AKT3: variants seen among roughly 807,000 people sequenced by gnomAD.
AKT3 encodes AKT serine/threonine kinase 3, also known as RAC-gamma serine/threonine-protein kinase.
In AKT3, 15 loss-of-function variants were observed where a neutral mutation model predicts 65.3. That is an observed-to-expected ratio of 0.23 (90% CI 0.15 to 0.35). AKT3 has a LOEUF of 0.35. AKT3 is among the 10% of genes least tolerant of loss of function. AKT3 has a pLI of 1.00. For synonymous variants in AKT3, 206 were observed against 183.8 expected (o/e 1.12, Z -0.98); for missense variants, 243 against 576.5 (o/e 0.42, Z 5.92).
At chr1:243,608,591 C>A (rs1025418065) in intron 8 of AKT3, among the ~76,000 whole-genome samples, 12 of 152,112 alleles carry the variant, frequency 7.9e-5, no homozygotes, top group African/African-American at 2.9e-4. Flanking sequence ...AGATGCCATA[C>A]AGATCCTACC....
rs2147846392 is a variant in AKT3, at chr1:243,645,995, C to T, written c.327G>A (p.Leu109=). The T allele has an allele frequency of 6.2e-7, 1 of 1,613,184 alleles. No individual in the cohort carries two copies. Among genetic ancestry groups the T allele is most frequent in the Admixed American group, 1.7e-5 (1 of 59,960 alleles). ...TCATTCTCTCCTCTTCTTGCCTCTGCAGTCTGTCTGCTACAGCCTGGATAG... is the reference window on the plus strand; with the variant it reads ...TCATTCTCTCCTCTTCTTGCCTCTGTAGTCTGTCTGCTACAGCCTGGATAG... The part of the protein sequence containing the change: ...TEAIQAVADR[L]QRQEEERMNC... Residue 109 remains leucine, a synonymous_variant, in exon 5 of 14, where the codon CTG becomes CTA. Coordinates refer to ENST00000673466, the MANE Select transcript of AKT3 (RefSeq NM_005465.7).
At chr1:243,634,208 G>A (rs996064312) in intron 6 of AKT3, among the ~76,000 whole-genome samples, 1 of 151,920 alleles carries the variant, frequency 6.6e-6, no homozygotes, top group South Asian at 2.1e-4. Flanking sequence ...TAAATGTTAT[G>A]TAAATAGCTG....
rs142819069 is a variant in AKT3, at chr1:243,809,104, T to A, written c.46+34021A>T. Among the ~76,000 whole-genome samples the A allele has an allele frequency of 3.7e-3, 559 of 152,210 alleles. 4 individuals are homozygous for A. Among genetic ancestry groups the A allele is most frequent in the African/African-American group, 0.013 (530 of 41,532 alleles). ...GCCAAATTGTAAAGACCATCAATGCTAGGAAGAAACTGTATCAACTAACGA... is the reference window on the plus strand; with the variant it reads ...GCCAAATTGTAAAGACCATCAATGCAAGGAAGAAACTGTATCAACTAACGA... On this transcript the variant is annotated intron_variant, in intron 2 of 13. Coordinates refer to ENST00000673466, the MANE Select transcript of AKT3 (RefSeq NM_005465.7).
At chr1:243,747,775 AT>A (rs1688565212) in intron 2 of AKT3, among the ~76,000 whole-genome samples, 1 of 152,216 alleles carries the variant, frequency 6.6e-6, no homozygotes, top group African/African-American at 2.4e-5. Flanking sequence ...CACAAAAAAA[AT>A]CAAAAGGGAT....
At chr1:243,522,248 C>A (rs542464651) in intron 12 of AKT3, among the ~76,000 whole-genome samples, 1 of 152,300 alleles carries the variant, frequency 6.6e-6, no homozygotes, top group South Asian at 2.1e-4. Flanking sequence ...AGCCATTAAT[C>A]ACTATTTCTC....
At chr1:243,845,807 C>T (rs1342410417) in intron 1 of AKT3, among the ~76,000 whole-genome samples, 1 of 151,868 alleles carries the variant, frequency 6.6e-6, no homozygotes. Flanking sequence ...CTGAGCTACC[C>T]AATAGGTATG....
At chr1:243,572,825 A>C in intron 9 of AKT3, 101 bp downstream of exon 9, 1 of 1,253,990 alleles carries the variant, frequency 8.0e-7, no homozygotes, top group South Asian at 2.0e-5. Flanking sequence ...TTTCCCAACT[A>C]AATCTGCTTT....
rs1354807193 is a variant in AKT3, at chr1:243,690,435, A to AT, written c.172+5155dup. Among the ~76,000 whole-genome samples the AT allele has an allele frequency of 3.9e-5, 6 of 152,334 alleles. No individual in the cohort carries two copies. The East Asian group carries it at 9.6e-4, about 24-fold the overall frequency. On this transcript the variant is annotated intron_variant, in intron 3 of 13. Coordinates refer to ENST00000673466, the MANE Select transcript of AKT3 (RefSeq NM_005465.7). ...TTTAAAGTGCATGTTTCTTGTATATATCTCAATCTACAATCCTTAGAAATC... is the reference window on the plus strand; with the variant it reads ...TTTAAAGTGCATGTTTCTTGTATATATTCTCAATCTACAATCCTTAGAAATC...
chr1:243,709,410 T>C (rs984112912), intron 2 of AKT3, among the ~76,000 whole-genome samples: 9 of 151,800 alleles, frequency 5.9e-5, no homozygotes, highest in Admixed American at 1.3e-4. Flanking sequence ...TTAGTAAAAA[T>C]GTGTTTTATT....
At chr1:243,694,422 A>G (rs1684924976) in intron 3 of AKT3, among the ~76,000 whole-genome samples, 1 of 152,108 alleles carries the variant, frequency 6.6e-6, no homozygotes, top group African/African-American at 2.4e-5. Context: ...TCTAATGAGC[A>G]TTTTGGTGGG....
At chr1:243,594,108 G>A (rs758922806) in intron 8 of AKT3, among the ~76,000 whole-genome samples, 4 of 152,124 alleles carry the variant, frequency 2.6e-5, no homozygotes, top group Non-Finnish European at 4.4e-5. Context: ...GAAGGCCATG[G>A]AATACAAGGT....
chr1:243,837,695 C>T (rs1481860857), intron 2 of AKT3, among the ~76,000 whole-genome samples: 1 of 152,118 alleles, frequency 6.6e-6, no homozygotes, highest in Non-Finnish European at 1.5e-5. Flanking sequence ...CTGACCACCA[C>T]TCATGATAAA....
chr1:243,660,530 T>C (rs1327235239), intron 4 of AKT3, among the ~76,000 whole-genome samples: 1 of 152,180 alleles, frequency 6.6e-6, no homozygotes, highest in African/African-American at 2.4e-5. Context: ...CTAACAACTC[T>C]CAATAAATTA....
chr1:243,594,737 C>A (rs1676476059), intron 8 of AKT3, among the ~76,000 whole-genome samples: 1 of 152,014 alleles, frequency 6.6e-6, no homozygotes, highest in Non-Finnish European at 1.5e-5. Context: ...CCAGTCCAGG[C>A]TAATTTTTTA....
intron 10 of AKT3, among the ~76,000 whole-genome samples, chr1:243,555,479 C>T (rs1235262494): frequency 6.6e-6 from 1 of 152,094 alleles, no homozygotes; most frequent in Admixed American, 6.6e-5. Context: ...AATTCGAATC[C>T]AATAACCTCT....
intron 13 of AKT3, among the ~76,000 whole-genome samples, chr1:243,507,971 G>A (rs974494610): frequency 3.3e-5 from 5 of 152,170 alleles, no homozygotes; most frequent in Non-Finnish European, 7.3e-5. Context: ...CTTTCTAACT[G>A]CTGATTTGTT....
intron 2 of AKT3, among the ~76,000 whole-genome samples, chr1:243,716,464 C>T (rs934432565): frequency 7.2e-5 from 11 of 152,118 alleles, no homozygotes; most frequent in Admixed American, 1.3e-4. Flanking sequence ...CAAAGACTGA[C>T]ATACCACTAA....
chr1:243,536,511 A>C (rs1208100076), intron 12 of AKT3, among the ~76,000 whole-genome samples: 1 of 152,172 alleles, frequency 6.6e-6, no homozygotes, highest in Non-Finnish European at 1.5e-5. Context: ...AATATCTGAA[A>C]TCTACTTAGC....
At chr1:243,750,707 G>C (rs897881216) in intron 2 of AKT3, among the ~76,000 whole-genome samples, 3 of 150,728 alleles carry the variant, frequency 2.0e-5, no homozygotes, top group Non-Finnish European at 4.4e-5. Flanking sequence ...TCAGCTTCTC[G>C]AGTAGCTGGG....
Sources: allele counts gnomAD v4.1 joint callset (sites outside exome capture counted in the v4.1 genomes callset), GRCh38; gene constraint gnomAD v4.1.1; transcripts MANE v1.5; gene names NCBI Gene and HGNC (gene_info 2026-07-23, HGNC 2026-07-21).